The following HS1BP3 variants were observed in gnomAD, a reference collection of about 807,000 sequenced individuals.
HS1BP3 encodes HCLS1-binding protein 3.
HS1BP3 carries 32 observed loss-of-function variants against 33.5 expected under a neutral mutation model. The observed-to-expected ratio is 0.95, with a 90% CI of 0.72 to 1.28. HS1BP3 has a LOEUF of 1.28. Among genes scored for constraint, HS1BP3 ranks in the 50% most tolerant of loss-of-function variants. The pLI is 0.00. For missense variants in HS1BP3, 486 were observed against 502.3 expected (o/e 0.97, Z 0.31); for synonymous variants, 187 against 209.2 (o/e 0.89, Z 0.92).
At chr2:20,612,550 C>T (rs1694337809) in intron 2 of HS1BP3, among the ~76,000 whole-genome samples, 2 of 152,170 alleles carry the variant, frequency 1.3e-5, no homozygotes, top group South Asian at 4.1e-4. Context: ...ATTTCCTATA[C>T]ATAGAATCAT....
At position 20,619,205 on chromosome 2, in the gene HS1BP3, C is replaced by G; in HGVS notation, c.961G>C (p.Glu321Gln). Residue 321 changes from glutamate (E) to glutamine (Q), a missense_variant, in exon 7 of 7, where the codon GAG (glutamate) becomes CAG (glutamine). Coordinates refer to ENST00000304031, the MANE Select transcript of HS1BP3 (RefSeq NM_022460.4). ...DLDQILNLGAEPKPKPQLKPK... is the reference protein window; with the variant it reads ...DLDQILNLGAQPKPKPQLKPK... ...TTAAGCTGGGGCTTGGGTTTGGGCT[C>G]AGCTCCCAGGTTCAGAATCTGGTCC... 6.2e-7 allele frequency: 1 copy of G among 1,613,082 alleles called. No individual in the cohort carries two copies. The highest frequency in any genetic ancestry group is 8.5e-7 in the Non-Finnish European group (1 of 1,179,394).
At chr2:20,631,565 G>C (rs1694970255) in intron 4 of HS1BP3, among the ~76,000 whole-genome samples, 1 of 145,824 alleles carries the variant, frequency 6.9e-6, no homozygotes, top group Non-Finnish European at 1.5e-5. Context: ...GGGCCAGCCA[G>C]GGAGGTCACC....
intron 4 of HS1BP3, among the ~76,000 whole-genome samples, chr2:20,630,224 T>TAC (rs1333267177): frequency 2.0e-5 from 3 of 152,244 alleles, no homozygotes; most frequent in African/African-American, 7.2e-5. Flanking sequence ...GCACTTTTCA[T>TAC]ACTTTATTCT....
chr2:20,622,253 C>A, intron 6 of HS1BP3: 1 of 1,304,036 alleles, frequency 7.7e-7, no homozygotes. Flanking sequence ...AGGGCAGACA[C>A]AAAGAATGAA....
chr2:20,616,247 C>T (rs1032658624), downstream of HS1BP3, among the ~76,000 whole-genome samples: 5 of 152,204 alleles, frequency 3.3e-5, no homozygotes, highest in Non-Finnish European at 7.3e-5. Context: ...ATCTTAGCTA[C>T]AAGACTCCAA....
intron 5 of HS1BP3, among the ~76,000 whole-genome samples, chr2:20,563,235 T>C (rs1200392341): frequency 1.3e-5 from 2 of 152,224 alleles, no homozygotes; most frequent in African/African-American, 4.8e-5. Context: ...GAACCAGTGG[T>C]TGCAGAGCCA....
chr2:20,610,937 G>T (rs929408682), intron 2 of HS1BP3, among the ~76,000 whole-genome samples: 2 of 152,184 alleles, frequency 1.3e-5, no homozygotes, highest in Non-Finnish European at 2.9e-5. Context: ...CTGCCTCATG[G>T]CCCCTTGCAG....
At chr2:20,592,202 G>A (rs1693832013), downstream of HS1BP3, among the ~76,000 whole-genome samples, 1 of 152,148 alleles carries the variant, frequency 6.6e-6, no homozygotes, top group South Asian at 2.1e-4. Context: ...ATGCATGTCT[G>A]TAATCCCAGC....
intron 2 of HS1BP3, among the ~76,000 whole-genome samples, chr2:20,605,729 A>G (rs1173291878): frequency 6.6e-6 from 1 of 152,212 alleles, no homozygotes; most frequent in African/African-American, 2.4e-5. Context: ...AATGTTTTCA[A>G]GGTTCATCCA....
In HS1BP3 at chr2:20,640,945, G is replaced by A. The variant is rs142457134; in HGVS notation, c.406+28C>T. ...GCCTAGTTCTGGGCCGGGGAGACCT[G>A]AGGGACATGGGGCAGAGCCTTGGGT... On this transcript the variant is annotated intron_variant, in intron 3 of 6. Transcript: ENST00000304031. The A allele has an allele frequency of 8.8e-4, 1,416 of 1,609,742 alleles. 19 individuals carry two copies. In the East Asian group the frequency reaches 0.029, roughly 33 times the overall value.
chr2:20,579,466 T>A (rs1693480726), intron 5 of HS1BP3, among the ~76,000 whole-genome samples: 1 of 152,234 alleles, frequency 6.6e-6, no homozygotes, highest in Non-Finnish European at 1.5e-5. Context: ...GCCCAGGAGA[T>A]ATCCTGCATG....
rs35644786 is a variant in HS1BP3, at chr2:20,601,770, C to CTTTTTTTTTTTTT, written c.179-3518_179-3506dup. On this transcript the variant is annotated intron_variant, in intron 2 of 3. Coordinates refer to the HS1BP3 transcript ENST00000415264. Reference sequence around the variant, plus strand: ...ATCACCCAGTTTTCAAGTGTGTCTTCTTTTTTTTTTTTTTTTTTTTTTTTT... The same window carrying CTTTTTTTTTTTTT: ...ATCACCCAGTTTTCAAGTGTGTCTTCTTTTTTTTTTTTTTTTTTTTTTTTTTTTTTTTTTTTTT... Among the ~76,000 whole-genome samples the CTTTTTTTTTTTTT allele has an allele frequency of 4.3e-5, 3 of 69,120 alleles. 1 individual carries two copies. Among genetic ancestry groups the CTTTTTTTTTTTTT allele is most frequent in the African/African-American group, 5.5e-5 (1 of 18,194 alleles). The allele number at this position is 69,120 out of a possible 152,430, so 45.3% of individuals were successfully genotyped here.
intron 4 of HS1BP3, among the ~76,000 whole-genome samples, chr2:20,627,070 G>T (rs1229326115): frequency 6.6e-6 from 1 of 152,214 alleles, no homozygotes; most frequent in Non-Finnish European, 1.5e-5. Context: ...GGTCAGCCAG[G>T]CTCGCAGCCA....
intron 5 of HS1BP3, among the ~76,000 whole-genome samples, chr2:20,576,775 T>C (rs901366552): frequency 2.0e-5 from 3 of 152,224 alleles, no homozygotes; most frequent in African/African-American, 7.2e-5. Context: ...TCTACACTAT[T>C]TCTTGGGTCT....
chr2:20,615,374 C>T (rs1694402120), downstream of HS1BP3, among the ~76,000 whole-genome samples: 1 of 152,222 alleles, frequency 6.6e-6, no homozygotes, highest in Non-Finnish European at 1.5e-5. Context: ...CCACCGGCCC[C>T]TGGATCTGCT....
Position 20,638,594 on chromosome 2 carries a change from G to C in HS1BP3, c.465C>G (p.Gly155=). ...LTSRDSSVLD[G]TDSQTGNDEE... is the part of the protein sequence containing the mutation. ...CATCATTCCCTGTCTGACTGTCTGT[G>C]CCATCCAGGACAGAGGAATCTCTGC... Residue 155 remains glycine (G), a synonymous_variant, in exon 4 of 7, where the codon GGC becomes GGG. Coordinates refer to ENST00000304031, the MANE Select transcript of HS1BP3 (RefSeq NM_022460.4). The C allele has an allele frequency of 6.2e-7, 1 of 1,614,198 alleles. No individual in the cohort carries two copies. The highest frequency in any genetic ancestry group is 8.5e-7 in the Non-Finnish European group (1 of 1,180,018).
chr2:20,620,644 C>T (rs185445541), intron 6 of HS1BP3, among the ~76,000 whole-genome samples: 1 of 152,336 alleles, frequency 6.6e-6, no homozygotes, highest in East Asian at 1.9e-4. Context: ...CAGGCAGCCT[C>T]AGGCCACTCC....
At chr2:20,560,828 C>T (rs79534660) in intron 5 of HS1BP3, among the ~76,000 whole-genome samples, 5,626 of 152,070 alleles carry the variant, frequency 0.037, 344 homozygotes, top group African/African-American at 0.13. Flanking sequence ...TAGCTGAGGA[C>T]ACTGTTCTGT....
intron 2 of HS1BP3, among the ~76,000 whole-genome samples, chr2:20,610,993 GT>G (rs1694308164): frequency 6.6e-6 from 1 of 152,172 alleles, no homozygotes; most frequent in Non-Finnish European, 1.5e-5. Context: ...GCAACCATGG[GT>G]CTGCTTTCTG....
Sources: allele counts gnomAD v4.1 joint callset (sites outside exome capture counted in the v4.1 genomes callset), GRCh38; gene constraint gnomAD v4.1.1; transcripts MANE v1.5; gene names NCBI Gene and HGNC (gene_info 2026-07-23, HGNC 2026-07-21).